Variants in SNX18 observed in about 807,000 individuals in gnomAD.
The protein encoded by SNX18 is sorting nexin-18.
SNX18 carries 35 observed loss-of-function variants against 48.7 expected under a neutral mutation model. The ratio of observed to expected loss-of-function variants is 0.72; its 90% CI spans 0.55 to 0.95. SNX18 has a LOEUF of 0.95. Ranked by LOEUF, SNX18 falls within the 40% of genes least tolerant of loss-of-function variation. SNX18 has a pLI of 0.00. For synonymous variants in SNX18, 492 were observed against 384.7 expected (o/e 1.28, Z -3.26); for missense variants, 824 against 871.0 (o/e 0.95, Z 0.68).
At chr5:54,537,989 G>T (rs527533468) in intron 1 of SNX18, among the ~76,000 whole-genome samples, 4 of 152,294 alleles carry the variant, frequency 2.6e-5, no homozygotes, top group Non-Finnish European at 4.4e-5. Flanking sequence ...CCTAGAAGTA[G>T]CAAGTCTATG....
At chr5:54,639,842 G>A in the SNX18 span, among the ~76,000 whole-genome samples, 1 of 152,178 alleles carries the variant, frequency 6.6e-6, no homozygotes. Flanking sequence ...GCTGACCAAG[G>A]AGGTTATGCA....
At chr5:54,626,358 T>C in the SNX18 span, among the ~76,000 whole-genome samples, 9 of 152,202 alleles carry the variant, frequency 5.9e-5, no homozygotes, top group African/African-American at 1.7e-4. Flanking sequence ...GGTTTTGTTA[T>C]GTTGCCTAGG....
chr5:54,613,512 A>G, the SNX18 span, among the ~76,000 whole-genome samples: 1 of 152,170 alleles, frequency 6.6e-6, no homozygotes, highest in African/African-American at 2.4e-5. Context: ...CTCATCTCTT[A>G]AAGGTCTCAC....
the SNX18 span, among the ~76,000 whole-genome samples, chr5:54,576,051 A>T: frequency 2.2e-4 from 33 of 152,136 alleles, no homozygotes; most frequent in African/African-American, 7.7e-4. Context: ...GCTCCTATTA[A>T]TCTATCTTAT....
the SNX18 span, among the ~76,000 whole-genome samples, chr5:54,633,518 A>G: frequency 6.6e-6 from 1 of 152,196 alleles, no homozygotes; most frequent in Non-Finnish European, 1.5e-5. Context: ...TTCATATTGT[A>G]TCAGTAACAA....
the SNX18 span, among the ~76,000 whole-genome samples, chr5:54,557,316 C>G: frequency 2.6e-5 from 4 of 152,166 alleles, no homozygotes; most frequent in African/African-American, 9.7e-5. Flanking sequence ...TGCATAAAAT[C>G]CATCCATTGC....
chr5:54,585,212 A>G, the SNX18 span, among the ~76,000 whole-genome samples: 8 of 150,876 alleles, frequency 5.3e-5, no homozygotes, highest in Non-Finnish European at 1.0e-4. Context: ...AGATTGCTTG[A>G]GCTTGGGAGT....
At chr5:54,562,696 G>A in the SNX18 span, among the ~76,000 whole-genome samples, 8 of 152,268 alleles carry the variant, frequency 5.3e-5, no homozygotes, top group South Asian at 4.1e-4. Context: ...TATGTTTACC[G>A]GTTTATGTAT....
chr5:54,519,285 C>T lies in SNX18; in HGVS notation c.1333C>T (p.Leu445Phe). Residue 445 changes from leucine to phenylalanine, a missense_variant, in exon 1 of 2, where the codon CTC (leucine) becomes TTC (phenylalanine). By Grantham distance (22) the Leu-to-Phe change is conservative. This residue lies in a region of SNX18 where 443 missense variants were observed against 503.6 expected (regional missense o/e 0.88). Transcript: ENST00000381410. ...TKKMDDSALQ[L>F]NHTANEFARK... ...GAAGATGGACGACAGCGCGCTGCAG[C>T]TCAACCACACGGCCAACGAGTTCGC... 7.4e-6 allele frequency: 12 copies of T among 1,614,132 alleles called. No homozygotes were observed. Among genetic ancestry groups the T allele is most frequent in the Non-Finnish European group, 1.0e-5 (12 of 1,180,014 alleles).
chr5:54,557,778 T>A, the SNX18 span, among the ~76,000 whole-genome samples: 1 of 152,234 alleles, frequency 6.6e-6, no homozygotes, highest in East Asian at 1.9e-4. Context: ...GTATAATTTA[T>A]AAAAAATTTG....
chr5:54,572,726 T>TTG, the SNX18 span, among the ~76,000 whole-genome samples: 550 of 38,672 alleles, frequency 0.014, 24 homozygotes, highest in Non-Finnish European at 0.018. Context: ...CTCCTCCAAA[T>TTG]TGTGTGTGTG....
chr5:54,578,181 T>C, the SNX18 span, among the ~76,000 whole-genome samples: 15,332 of 152,188 alleles, frequency 0.1, 788 homozygotes, highest in African/African-American at 0.12. Context: ...ATCTGATGAC[T>C]TAATTTACTT....
At chr5:54,520,909 T>G (rs1260791101) in intron 1 of SNX18, 1 of 167,130 alleles carries the variant, frequency 6.0e-6, no homozygotes, top group Non-Finnish European at 1.5e-5. Context: ...AGTAACTTTC[T>G]TGGCAATTTG....
At chr5:54,540,974 AT>A (rs749990268) in intron 1 of SNX18, among the ~76,000 whole-genome samples, 4 of 151,512 alleles carry the variant, frequency 2.6e-5, no homozygotes, top group South Asian at 2.1e-4. Flanking sequence ...GTCTTTCTGA[AT>A]TTTTTTTTCC....
chr5:54,630,092 A>G, the SNX18 span, among the ~76,000 whole-genome samples: 1 of 152,218 alleles, frequency 6.6e-6, no homozygotes, highest in African/African-American at 2.4e-5. Flanking sequence ...CATTGTCTAT[A>G]CAACACCTGC....
At chr5:54,630,338 C>T in the SNX18 span, among the ~76,000 whole-genome samples, 7 of 151,900 alleles carry the variant, frequency 4.6e-5, no homozygotes, top group Non-Finnish European at 7.4e-5. Flanking sequence ...TGTGTGTGTG[C>T]GTGTGCATGT....
intron 1 of SNX18, among the ~76,000 whole-genome samples, chr5:54,529,410 A>C (rs1024959302): frequency 6.6e-6 from 1 of 152,178 alleles, no homozygotes; most frequent in Non-Finnish European, 1.5e-5. Context: ...TTGTATTTTT[A>C]AATGATTCTG....
the SNX18 span, among the ~76,000 whole-genome samples, chr5:54,640,013 C>A: frequency 2.0e-5 from 3 of 152,118 alleles, no homozygotes; most frequent in Non-Finnish European, 4.4e-5. Context: ...TAGAAATATT[C>A]TTTGATAAGT....
chr5:54,619,054 C>T, the SNX18 span, among the ~76,000 whole-genome samples: 1 of 152,120 alleles, frequency 6.6e-6, no homozygotes, highest in African/African-American at 2.4e-5. Context: ...AATAATTAGG[C>T]ATAGACAGGT....
Sources: allele counts gnomAD v4.1 joint callset (sites outside exome capture counted in the v4.1 genomes callset), GRCh38; gene constraint gnomAD v4.1.1; regional missense constraint gnomAD v4.1.1; transcripts MANE v1.5; gene names NCBI Gene and HGNC (gene_info 2026-07-23, HGNC 2026-07-21).